CNTN5: variants seen among roughly 807,000 people sequenced by gnomAD.
The protein encoded by CNTN5 is contactin-5.
Under a neutral mutation model 129.1 loss-of-function variants are expected in CNTN5, and 77 were observed. The observed-to-expected ratio is 0.60, with a 90% CI of 0.50 to 0.72. CNTN5 has a LOEUF of 0.72. CNTN5 is among the 30% of genes least tolerant of loss of function. The probability of loss-of-function intolerance (pLI) is 0.00; values close to 1 mark genes in which losing one functional copy is unlikely to be tolerated. For missense variants in CNTN5, 1,478 were observed against 1,328.8 expected (o/e 1.11, Z -1.75); for synonymous variants, 509 against 465.6 (o/e 1.09, Z -1.20).
At chr11:99,111,404 T>C (rs1264838613) in intron 1 of CNTN5, among the ~76,000 whole-genome samples, 1 of 152,092 alleles carries the variant, frequency 6.6e-6, no homozygotes, top group Non-Finnish European at 1.5e-5. Context: ...CTGATTTTAC[T>C]TCTTTTTTAC....
chr11:99,972,329 C>G (rs1951286541), intron 8 of CNTN5, among the ~76,000 whole-genome samples: 1 of 129,128 alleles, frequency 7.7e-6, no homozygotes, highest in East Asian at 2.0e-4. Flanking sequence ...TCAGATCTGC[C>G]CAGAGTTTCT....
chr11:100,224,600 C>T, intron 15 of CNTN5, 92 bp from the exon 16 acceptor site: 1 of 1,266,356 alleles, frequency 7.9e-7, no homozygotes, highest in Middle Eastern at 2.0e-4. Flanking sequence ...CAAAAATGGG[C>T]CCTTTTACTG....
At chr11:99,556,369 A>C in intron 3 of CNTN5, 100 bp downstream of exon 3, 1 of 678,330 alleles carries the variant, frequency 1.5e-6, no homozygotes, top group Non-Finnish European at 2.4e-6. Flanking sequence ...TATTAATTTA[A>C]ATTTATATCA....
At chr11:99,742,956 T>G (rs751050899) in intron 3 of CNTN5, among the ~76,000 whole-genome samples, 1 of 152,180 alleles carries the variant, frequency 6.6e-6, no homozygotes, top group African/African-American at 2.4e-5. Context: ...CAGAGGACTT[T>G]ACCTACTGAC....
At chr11:99,810,185 A>G (rs1946388798) in intron 3 of CNTN5, among the ~76,000 whole-genome samples, 1 of 152,160 alleles carries the variant, frequency 6.6e-6, no homozygotes, top group Non-Finnish European at 1.5e-5. Context: ...AATTTGTAAC[A>G]ATGTTCATGC....
chr11:99,490,442 C>A (rs996241925), intron 2 of CNTN5, among the ~76,000 whole-genome samples: 2 of 152,108 alleles, frequency 1.3e-5, no homozygotes, highest in Admixed American at 6.6e-5. Context: ...GTGGAGAATA[C>A]CAGTGTCTCA....
intron 2 of CNTN5, among the ~76,000 whole-genome samples, chr11:99,354,592 C>A (rs1037033845): frequency 5.9e-5 from 9 of 152,062 alleles, no homozygotes; most frequent in African/African-American, 2.2e-4. Flanking sequence ...TTTTCTCATA[C>A]CCCGTAATCA....
At chr11:99,057,908 G>C (rs1257301056) in intron 1 of CNTN5, among the ~76,000 whole-genome samples, 1 of 151,704 alleles carries the variant, frequency 6.6e-6, no homozygotes, top group East Asian at 1.9e-4. Flanking sequence ...AGTTGCCATA[G>C]AAGGTTGTAT....
chr11:99,824,272 A>G (rs1023690661), intron 4 of CNTN5, among the ~76,000 whole-genome samples: 15 of 151,988 alleles, frequency 9.9e-5, no homozygotes, highest in African/African-American at 3.1e-4. Flanking sequence ...GTATTTCTCC[A>G]CATTGTCACC....
intron 3 of CNTN5, among the ~76,000 whole-genome samples, chr11:99,655,350 C>T (rs144801221): frequency 2.0e-5 from 3 of 152,066 alleles, no homozygotes; most frequent in Admixed American, 6.6e-5. Context: ...CTGACTAATA[C>T]TAAGTTATGA....
chr11:99,441,613 G>A (rs1943831290), intron 2 of CNTN5, among the ~76,000 whole-genome samples: 1 of 152,124 alleles, frequency 6.6e-6, no homozygotes, highest in Non-Finnish European at 1.5e-5. Flanking sequence ...TTGATGATTG[G>A]ATTTGGTTGC....
intron 20 of CNTN5, among the ~76,000 whole-genome samples, chr11:100,306,220 A>G (rs956284483): frequency 3.3e-5 from 5 of 151,722 alleles, no homozygotes; most frequent in African/African-American, 1.2e-4. Flanking sequence ...GAGCTTTTAA[A>G]TAAAAGTTAA....
intron 7 of CNTN5, among the ~76,000 whole-genome samples, chr11:99,928,509 G>A (rs1403118002): frequency 2.0e-5 from 3 of 152,184 alleles, no homozygotes; most frequent in Non-Finnish European, 4.4e-5. Flanking sequence ...CTTGACCTCT[G>A]TGTACCTCCA....
At chr11:100,240,146 A>G (rs188269232) in intron 16 of CNTN5, among the ~76,000 whole-genome samples, 103 of 152,316 alleles carry the variant, frequency 6.8e-4, no homozygotes, top group African/African-American at 2.4e-3. Context: ...CTCACTGAAC[A>G]AGATAGTCTG....
chr11:100,000,346 C>G (rs951488340), intron 8 of CNTN5, among the ~76,000 whole-genome samples: 1 of 152,064 alleles, frequency 6.6e-6, no homozygotes, highest in African/African-American at 2.4e-5. Flanking sequence ...GGCCACAGGC[C>G]ACATGCACAT....
At chr11:99,031,850 T>G (rs570176994) in intron 1 of CNTN5, among the ~76,000 whole-genome samples, 1 of 151,584 alleles carries the variant, frequency 6.6e-6, no homozygotes, top group African/African-American at 2.4e-5. Flanking sequence ...TGTGCCATGC[T>G]GGTGCGCTGC....
chr11:99,653,233 A>G (rs1952225859), intron 3 of CNTN5, among the ~76,000 whole-genome samples: 1 of 151,972 alleles, frequency 6.6e-6, no homozygotes, highest in Non-Finnish European at 1.5e-5. Flanking sequence ...TTGTACTACT[A>G]AACTGTAGTA....
chr11:99,640,945 C>G (rs1951749638), intron 3 of CNTN5, among the ~76,000 whole-genome samples: 1 of 152,158 alleles, frequency 6.6e-6, no homozygotes, highest in Non-Finnish European at 1.5e-5. Context: ...CTTGATGTTC[C>G]TGTAATTGTT....
At chr11:99,031,448 C>G (rs949767570) in intron 1 of CNTN5, among the ~76,000 whole-genome samples, 2 of 151,956 alleles carry the variant, frequency 1.3e-5, no homozygotes, top group Non-Finnish European at 2.9e-5. Flanking sequence ...AGAAAGAAAT[C>G]TCAGATAAGA....
Sources: allele counts gnomAD v4.1 joint callset (sites outside exome capture counted in the v4.1 genomes callset), GRCh38; gene constraint gnomAD v4.1.1; transcripts MANE v1.5; gene names NCBI Gene and HGNC (gene_info 2026-07-23, HGNC 2026-07-21).